Variants in STK32B observed in about 807,000 individuals in gnomAD.
The protein encoded by STK32B is serine/threonine-protein kinase 32B.
Under a neutral mutation model 52.6 loss-of-function variants are expected in STK32B, and 43 were observed. The observed-to-expected ratio is 0.82, with a 90% CI of 0.64 to 1.05. STK32B has a LOEUF of 1.05. Ranked by LOEUF, STK32B falls within the 50% of genes least tolerant of loss-of-function variation. STK32B has a pLI of 0.00. For synonymous variants in STK32B, 238 were observed against 204.3 expected (o/e 1.17, Z -1.41); for missense variants, 621 against 534.6 (o/e 1.16, Z -1.59).
At chr4:5,412,473 C>A (rs1240632292) in intron 5 of STK32B, among the ~76,000 whole-genome samples, 2 of 152,218 alleles carry the variant, frequency 1.3e-5, no homozygotes, top group South Asian at 4.2e-4. Flanking sequence ...TACCTGAATT[C>A]CTGGGTGGAA....
intron 9 of STK32B, among the ~76,000 whole-genome samples, chr4:5,466,185 G>A (rs975598311): frequency 6.6e-6 from 1 of 152,186 alleles, no homozygotes; most frequent in Non-Finnish European, 1.5e-5. Flanking sequence ...GACCACAGCG[G>A]GAGGAGCCCC....
rs1577073487 is a variant in STK32B, at chr4:5,500,558, C to T, written c.*1475C>T. 6.6e-6 allele frequency: 1 copy of T among 152,270 alleles called. No individual in the cohort carries two copies. The highest frequency in any genetic ancestry group is 1.5e-5 in the Non-Finnish European group (1 of 68,030). 9.4% of individuals were successfully genotyped at this position (152,270 alleles called of 1,614,324 possible). The stretch of plus-strand genomic sequence containing the variant: ...TGTTTTTATTTTTTCATCCAACTTC[C>T]ATTTTTCACTTTTTACATGATTACT... On this transcript the variant is annotated 3_prime_UTR_variant, in exon 12 of 12. Transcript: ENST00000282908.
At position 5,163,199 on chromosome 4, in the gene STK32B, C is replaced by T. The variant is rs1031122871; in HGVS notation, c.109-5100C>T. Among the ~76,000 whole-genome samples, 2 of 152,260 alleles carry T rather than the reference C, an allele frequency of 1.3e-5. 1 individual carries two copies. Among genetic ancestry groups the T allele is most frequent in the South Asian group, 4.1e-4 (2 of 4,822 alleles). On this transcript the variant is annotated intron_variant, in intron 2 of 11. Coordinates refer to ENST00000282908, the MANE Select transcript of STK32B (RefSeq NM_018401.3). The stretch of plus-strand genomic sequence containing the variant: ...TTCCAGGCAGAGTACGTGAAATATG[C>T]TAATGTGGAGAGTCATGAGTGAAGG...
In STK32B at chr4:5,409,291, A is replaced by G. The variant is rs537907344; in HGVS notation, c.473-7554A>G. On this transcript the variant is annotated intron_variant, in intron 5 of 11. Transcript: ENST00000282908. ...AAGAAAGGAGTGGGAGAGGATGCTAAGTGTGAGAATCTAGTGTCCAGCATG... is the reference window on the plus strand; with the variant it reads ...AAGAAAGGAGTGGGAGAGGATGCTAGGTGTGAGAATCTAGTGTCCAGCATG... 4.2e-4 allele frequency among the ~76,000 whole-genome samples: 64 copies of G among 152,220 alleles called. 1 individual carries two copies. The highest frequency in any genetic ancestry group is 1.0e-3 in the South Asian group (5 of 4,812).
At chr4:5,315,388 G>A (rs1051860835) in intron 3 of STK32B, among the ~76,000 whole-genome samples, 1 of 152,002 alleles carries the variant, frequency 6.6e-6, no homozygotes, top group Non-Finnish European at 1.5e-5. Context: ...CTTTAAGAGG[G>A]AAGATAAGCC....
intron 3 of STK32B, among the ~76,000 whole-genome samples, chr4:5,296,521 T>C (rs28868125): frequency 0.14 from 20,813 of 152,110 alleles, 2,845 homozygotes; most frequent in African/African-American, 0.36. Flanking sequence ...ATGTAATGCC[T>C]TTCTTTGTCT....
At chr4:5,381,099 C>T (rs571835702) in intron 4 of STK32B, among the ~76,000 whole-genome samples, 11 of 152,300 alleles carry the variant, frequency 7.2e-5, no homozygotes, top group South Asian at 4.2e-4. Flanking sequence ...GCCTGAGTTT[C>T]GTCCACTGTA....
At chr4:5,305,306 A>AATT (rs1729853783) in intron 3 of STK32B, among the ~76,000 whole-genome samples, 1 of 152,048 alleles carries the variant, frequency 6.6e-6, no homozygotes, top group South Asian at 2.1e-4. Flanking sequence ...ATCAGCTGTG[A>AATT]ATTCATTGGC....
In STK32B at chr4:5,307,977, C is replaced by G. The variant is rs183151693; in HGVS notation, c.261-23243C>G. On this transcript the variant is annotated intron_variant, in intron 3 of 11. Coordinates refer to ENST00000282908, the MANE Select transcript of STK32B (RefSeq NM_018401.3). ...TGTCTGCAGAGTTCTATGATGTGAT[C>G]CATCTTCAGGTTTCTCAGCCGTGGA... 1.9e-3 allele frequency among the ~76,000 whole-genome samples: 285 copies of G among 152,200 alleles called. 1 individual carries two copies. Among genetic ancestry groups the G allele is most frequent in the African/African-American group, 6.3e-3 (261 of 41,526 alleles).
At chr4:5,152,439 G>T (rs141305317) in intron 2 of STK32B, among the ~76,000 whole-genome samples, 3 of 152,328 alleles carry the variant, frequency 2.0e-5, no homozygotes, top group Non-Finnish European at 2.9e-5. Flanking sequence ...TTGAGAGAAA[G>T]AATTTAGTGC....
intron 3 of STK32B, among the ~76,000 whole-genome samples, chr4:5,275,737 G>A (rs979194098): frequency 2.4e-4 from 36 of 152,020 alleles, no homozygotes; most frequent in African/African-American, 8.7e-4. Flanking sequence ...AAGACGTTCT[G>A]GAAGTGTCCT....
chr4:5,495,894 T>C (rs1720191578), intron 11 of STK32B, among the ~76,000 whole-genome samples: 1 of 152,114 alleles, frequency 6.6e-6, no homozygotes, highest in Non-Finnish European at 1.5e-5. Flanking sequence ...AACAGCGGGT[T>C]TTCCTGAACT....
At chr4:5,209,133 G>A (rs575760175) in intron 3 of STK32B, among the ~76,000 whole-genome samples, 1 of 152,342 alleles carries the variant, frequency 6.6e-6, no homozygotes, top group Admixed American at 6.5e-5. Flanking sequence ...ACAGAAAATT[G>A]TGAGTATGGA....
chr4:5,274,066 T>C (rs1727635480), intron 3 of STK32B, among the ~76,000 whole-genome samples: 1 of 151,998 alleles, frequency 6.6e-6, no homozygotes, highest in Non-Finnish European at 1.5e-5. Flanking sequence ...TCTTTGCAAA[T>C]TTATCCATAT....
At chr4:5,141,306 T>C (rs530490886) in intron 2 of STK32B, among the ~76,000 whole-genome samples, 1 of 152,276 alleles carries the variant, frequency 6.6e-6, no homozygotes, top group South Asian at 2.1e-4. Flanking sequence ...AGCAGAGACC[T>C]GAAGGAAGCA....
chr4:5,056,269 C>T (rs930774496), intron 1 of STK32B, among the ~76,000 whole-genome samples: 21 of 152,162 alleles, frequency 1.4e-4, no homozygotes, highest in Admixed American at 7.2e-4. Flanking sequence ...TTCCATGAAA[C>T]GAATCCCTGG....
chr4:5,156,645 T>C (rs1717876189), intron 2 of STK32B, among the ~76,000 whole-genome samples: 1 of 152,214 alleles, frequency 6.6e-6, no homozygotes, highest in Non-Finnish European at 1.5e-5. Flanking sequence ...GCTTCGAAAG[T>C]GTCTTCTTGG....
chr4:5,402,441 C>T (rs1417816252), intron 5 of STK32B, among the ~76,000 whole-genome samples: 2 of 152,184 alleles, frequency 1.3e-5, no homozygotes, highest in African/African-American at 4.8e-5. Context: ...CCACTGAGGG[C>T]CCTGGTTCAA....
intron 5 of STK32B, among the ~76,000 whole-genome samples, chr4:5,405,934 A>G (rs1192232270): frequency 6.6e-6 from 1 of 152,144 alleles, no homozygotes; most frequent in Non-Finnish European, 1.5e-5. Flanking sequence ...ATGCCTTCCC[A>G]ACAGTCCTCC....
Sources: allele counts gnomAD v4.1 joint callset (sites outside exome capture counted in the v4.1 genomes callset), GRCh38; gene constraint gnomAD v4.1.1; transcripts MANE v1.5; gene names NCBI Gene and HGNC (gene_info 2026-07-23, HGNC 2026-07-21).